C1QTNF1: variants seen among roughly 807,000 people sequenced by gnomAD.
C1QTNF1 encodes the protein complement C1q tumor necrosis factor-related protein 1.
C1QTNF1 carries 22 observed loss-of-function variants against 27.8 expected under a neutral mutation model. That is an observed-to-expected ratio of 0.79 (90% CI 0.56 to 1.13). The LOEUF is 1.13. Ranked by LOEUF, C1QTNF1 falls within the 50% of genes most tolerant of loss-of-function variation. The probability of loss-of-function intolerance (pLI) is 0.00; values close to 1 mark genes in which losing one functional copy is unlikely to be tolerated. For synonymous variants in C1QTNF1, 166 were observed against 154.3 expected, an observed-to-expected ratio of 1.08 and a Z score of -0.56; for missense variants, 373 against 380.2, an observed-to-expected ratio of 0.98 and a Z score of 0.16.
intron 1 of C1QTNF1, among the ~76,000 whole-genome samples, chr17:79,030,458 CTTTTCTTTCTTTCTTTCTTTCTTTCT>C (rs1323769439): frequency 0.03 from 4,159 of 140,416 alleles, 82 homozygotes; most frequent in Middle Eastern, 0.043. Flanking sequence ...TTCTTTCTTT[CTTTTCTTTCTTTCTTTCTTTCTTTCT>C]TTTTCTTTCT....
chr17:79,033,990 G>T (rs1034533572), intron 1 of C1QTNF1, among the ~76,000 whole-genome samples: 2 of 152,178 alleles, frequency 1.3e-5, no homozygotes, highest in African/African-American at 4.8e-5. Flanking sequence ...GGGATGCTGT[G>T]CTGATTATAT....
At chr17:79,031,977 G>A (rs1272441817) in intron 1 of C1QTNF1, among the ~76,000 whole-genome samples, 1 of 152,226 alleles carries the variant, frequency 6.6e-6, no homozygotes, top group Admixed American at 6.5e-5. Flanking sequence ...CAGGCTTGTG[G>A]CTGAGGCATG....
chr17:79,031,763 C>T (rs1384247464), intron 1 of C1QTNF1, among the ~76,000 whole-genome samples: 1 of 152,210 alleles, frequency 6.6e-6, no homozygotes, highest in African/African-American at 2.4e-5. Context: ...ATTAGACTGT[C>T]TTCCTGGACA....
intron 1 of C1QTNF1, among the ~76,000 whole-genome samples, chr17:79,041,506 C>T (rs962191037): frequency 7.2e-5 from 11 of 152,084 alleles, no homozygotes; most frequent in African/African-American, 2.7e-4. Context: ...AGTCCTGGGC[C>T]GTGGCTCACG....
Position 79,048,183 on chromosome 17 carries a change from G to C in C1QTNF1, c.*95G>C, listed in dbSNP as rs1202577953. 1.9e-6 allele frequency: 2 copies of C among 1,039,278 alleles called. No homozygotes were observed. The highest frequency in any genetic ancestry group is 2.6e-6 in the Non-Finnish European group (2 of 780,824). The allele number at this position is 1,039,278 out of a possible 1,614,324, so 64.4% of individuals were successfully genotyped here. ...CCGATCCCTGGACTCCGACTCCCTG[G>C]CTTTGGCATTCAGTGAGACGCCCTG... On this transcript the variant is annotated 3_prime_UTR_variant, in exon 4 of 4. Transcript: ENST00000579760.
At chr17:79,037,570 C>G (rs2072293328) in intron 1 of C1QTNF1, among the ~76,000 whole-genome samples, 1 of 151,974 alleles carries the variant, frequency 6.6e-6, no homozygotes, top group Non-Finnish European at 1.5e-5. Context: ...AGCCAAAAGG[C>G]CCAATTTGAA....
intron 1 of C1QTNF1, among the ~76,000 whole-genome samples, chr17:79,026,308 C>T (rs1012135536): frequency 2.0e-5 from 3 of 152,146 alleles, no homozygotes; most frequent in African/African-American, 7.2e-5. Context: ...GTGTGTACCA[C>T]CACGCCTGGC....
At position 79,046,188 on chromosome 17, in the gene C1QTNF1, T is replaced by C. The variant is rs1318510322; in HGVS notation, c.156-367T>C. 6.6e-6 allele frequency among the ~76,000 whole-genome samples: 1 copy of C among 152,028 alleles called. No individual in the cohort carries two copies. Among genetic ancestry groups the C allele is most frequent in the East Asian group, 1.9e-4 (1 of 5,190 alleles). ...CCTTCTTATTTGCAGACGAGTCAGC[T>C]TCATATGTTATTTTCTAGCATCACG... is the stretch of plus-strand genomic sequence containing the variant. On this transcript the variant is annotated intron_variant, in intron 2 of 3. Coordinates refer to ENST00000579760, the MANE Select transcript of C1QTNF1 (RefSeq NM_030968.5). This position sits in a 1 kb window ranked among gnomAD's most constrained non-coding sequence, Gnocchi z 4.8.
At position 79,049,575 on chromosome 17, in the gene C1QTNF1, A is replaced by G. The variant is rs1416070357; in HGVS notation, c.*1487A>G. ...CCCGCTGCCTCTCTTCCTTCCCCCC[A>G]TCCCCCACCTGGTTTTGACTAATCC... On this transcript the variant is annotated 3_prime_UTR_variant, in exon 4 of 4. Transcript: ENST00000579760. This position sits in a 1 kb window ranked among gnomAD's most constrained non-coding sequence, Gnocchi z 4.4. 1 of 125,724 alleles carries G rather than the reference A, an allele frequency of 8.0e-6. No individual in the cohort carries two copies. The highest frequency in any genetic ancestry group is 3.1e-5 in the African/African-American group (1 of 32,684). 7.8% of individuals were successfully genotyped at this position (125,724 alleles called of 1,614,324 possible).
Position 79,043,754 on chromosome 17 carries a change from T to C in C1QTNF1, c.-14-201T>C, listed in dbSNP as rs746810827. ...ATGTGCGTGTGTGCACGTGAGTGCG[T>C]CGTGAGTGCGTGTATGCATGCATGG... is the stretch of plus-strand genomic sequence containing the variant. On this transcript the variant is annotated intron_variant, in intron 1 of 3. Transcript: ENST00000579760. The C allele has an allele frequency of 4.4e-6, 3 of 683,342 alleles. No homozygotes were observed. In the East Asian group the frequency reaches 8.6e-5, roughly 20 times the overall value. 42.3% of individuals were successfully genotyped at this position (683,342 alleles called of 1,614,324 possible). A position where few individuals can be genotyped will look rare whatever the true frequency, so the allele number is the denominator to read the frequency against.
At chr17:79,034,931 T>C (rs756466663) in intron 1 of C1QTNF1, among the ~76,000 whole-genome samples, 5 of 151,768 alleles carry the variant, frequency 3.3e-5, no homozygotes, top group Non-Finnish European at 7.4e-5. Flanking sequence ...CACCACGAGG[T>C]TGAGGGAAAG....
At chr17:79,035,015 G>A (rs1413900815) in intron 1 of C1QTNF1, among the ~76,000 whole-genome samples, 2 of 152,152 alleles carry the variant, frequency 1.3e-5, no homozygotes, top group Admixed American at 6.5e-5. Context: ...GCTTCTAGAA[G>A]AGGTAAACAC....
chr17:79,040,119 G>A (rs1435600020), intron 1 of C1QTNF1, among the ~76,000 whole-genome samples: 1 of 152,128 alleles, frequency 6.6e-6, no homozygotes, highest in Non-Finnish European at 1.5e-5. Flanking sequence ...GGTCACCCAC[G>A]GTCTGCTGAG....
chr17:79,043,895 G>T, intron 1 of C1QTNF1, 60 bp from the exon 2 acceptor site: 1 of 1,592,560 alleles, frequency 6.3e-7, no homozygotes, highest in South Asian at 1.1e-5. Context: ...TTTTCAGGCT[G>T]TTTCTCTGTG....
intron 1 of C1QTNF1, among the ~76,000 whole-genome samples, chr17:79,026,674 GA>G (rs1019698149): frequency 2.0e-5 from 3 of 152,182 alleles, no homozygotes; most frequent in African/African-American, 7.2e-5. Flanking sequence ...CTCATTCAGG[GA>G]GGCAGGAAGC....
Position 79,048,115 on chromosome 17 carries a change from C to T in C1QTNF1, c.*27C>T, listed in dbSNP as rs576123155. 6 of 1,331,814 alleles carry T rather than the reference C, an allele frequency of 4.5e-6. No homozygotes were observed. In the Admixed American group the frequency reaches 1.1e-4, roughly 24 times the overall value. 82.5% of individuals were successfully genotyped at this position (1,331,814 alleles called of 1,614,324 possible). A position where few individuals can be genotyped will look rare whatever the true frequency, so the allele number is the denominator to read the frequency against. ...TGGCCGGCCACCTCCTTTCCTCTCGCCACCTTCCACCCCTGCGCTGTGCTG... is the reference window on the plus strand; with the variant it reads ...TGGCCGGCCACCTCCTTTCCTCTCGTCACCTTCCACCCCTGCGCTGTGCTG... On this transcript the variant is annotated 3_prime_UTR_variant, in exon 4 of 4. Coordinates refer to ENST00000579760, the MANE Select transcript of C1QTNF1 (RefSeq NM_030968.5).
chr17:79,026,467 C>A (rs1245183810), intron 1 of C1QTNF1, among the ~76,000 whole-genome samples: 2 of 152,306 alleles, frequency 1.3e-5, no homozygotes, highest in Non-Finnish European at 2.9e-5. Context: ...GGGGCGTATA[C>A]TTTTAACCTT....
intron 1 of C1QTNF1, chr17:79,043,411 GTGTA>G (rs1377356983): frequency 4.2e-5 from 18 of 431,504 alleles, no homozygotes; most frequent in East Asian, 7.0e-5. Context: ...GTGAGTGTGA[GTGTA>G]TGTGTGTTGA....
intron 2 of C1QTNF1, 73 bp downstream of exon 2, chr17:79,044,196 G>A: frequency 1.4e-6 from 2 of 1,444,246 alleles, no homozygotes; most frequent in South Asian, 1.4e-5. Context: ...TGGGGCCCCT[G>A]GGGGAGCTAG....
Sources: allele counts gnomAD v4.1 joint callset (sites outside exome capture counted in the v4.1 genomes callset), GRCh38; gene constraint gnomAD v4.1.1; non-coding constraint Gnocchi (gnomAD v3.1); transcripts MANE v1.5; gene names NCBI Gene and HGNC (gene_info 2026-07-23, HGNC 2026-07-21).